The following PI15 variants were observed in gnomAD, a reference collection of about 807,000 sequenced individuals.
PI15 encodes the protein 25 kDa trypsin inhibitor.
PI15 carries 18 observed loss-of-function variants against 31.0 expected under a neutral mutation model. The ratio of observed to expected loss-of-function variants is 0.58; its 90% CI spans 0.40 to 0.86. The LOEUF (loss-of-function observed/expected upper bound fraction) is 0.86, where lower values mean the gene tolerates loss of function less well. Ranked by LOEUF, PI15 falls within the 40% of genes least tolerant of loss-of-function variation. The probability of loss-of-function intolerance (pLI) is 0.00; values close to 1 mark genes in which losing one functional copy is unlikely to be tolerated. For missense variants in PI15, 282 were observed against 328.1 expected, an observed-to-expected ratio of 0.86 and a Z score of 1.09; for synonymous variants, 118 against 119.1, an observed-to-expected ratio of 0.99 and a Z score of 0.06.
At chr8:74,847,670 A>C (rs556020409) in intron 5 of PI15, among the ~76,000 whole-genome samples, 1 of 152,266 alleles carries the variant, frequency 6.6e-6, no homozygotes, top group Admixed American at 6.5e-5. Flanking sequence ...AATATGAATA[A>C]AAGTTTTTCA....
intron 2 of PI15, among the ~76,000 whole-genome samples, chr8:74,829,810 T>C (rs1810755425): frequency 6.6e-6 from 1 of 152,074 alleles, no homozygotes; most frequent in Non-Finnish European, 1.5e-5. Flanking sequence ...GAAAGGCTCC[T>C]TGGAGGAGGA....
At position 74,850,459 on chromosome 8, in the gene PI15, CAA is replaced by C. The variant is rs1811090246; in HGVS notation, c.*1210_*1211del. 1.3e-5 allele frequency: 2 copies of C among 152,224 alleles called. No homozygotes were observed. Among genetic ancestry groups the C allele is most frequent in the Middle Eastern group, 3.4e-3 (1 of 294 alleles). The allele number at this position is 152,224 out of a possible 1,614,324, so 9.4% of individuals were successfully genotyped here. A position where few individuals can be genotyped will look rare whatever the true frequency, so the allele number is the denominator to read the frequency against. ...CCTCTCAGCAGGAGACAAAGGATTC[CAA>C]AAAGAGATGTGGAGGTGCTGAGGGC... On this transcript the variant is annotated 3_prime_UTR_variant, in exon 6 of 6. Transcript: ENST00000260113.
At chr8:74,848,599 C>T (rs1034967895) in intron 5 of PI15, among the ~76,000 whole-genome samples, 11 of 151,196 alleles carry the variant, frequency 7.3e-5, no homozygotes, top group African/African-American at 2.7e-4. Flanking sequence ...AGTGGAATGA[C>T]CCTGGTGTCC....
Position 74,843,985 on chromosome 8 carries a change from G to C in PI15, c.278G>C (p.Trp93Ser), listed in dbSNP as rs755155807. Residue 93 changes from tryptophan (W) to serine (S), a missense_variant, in exon 3 of 6, where the codon TGG becomes TCG. Physicochemically the swap from Trp to Ser is radical, Grantham distance 177 (BLOSUM62 -3). Transcript: ENST00000260113. ...PPAANMEYMV[W>S]DENLAKSAEA... is the part of the protein sequence containing the mutation. Reference sequence around the variant, plus strand: ...GAAGATTTTTTTCCCCTACAGGTTTGGGATGAAAATCTTGCAAAATCGGCA... The same window carrying C: ...GAAGATTTTTTTCCCCTACAGGTTTCGGATGAAAATCTTGCAAAATCGGCA... 1 of 1,528,512 alleles carries C rather than the reference G, an allele frequency of 6.5e-7. No individual in the cohort carries two copies. Among genetic ancestry groups the C allele is most frequent in the Admixed American group, 1.7e-5 (1 of 59,916 alleles). 94.7% of individuals were successfully genotyped at this position (1,528,512 alleles called of 1,614,324 possible).
intron 2 of PI15, 117 bp downstream of exon 2, chr8:74,825,639 CA>C (rs1454439363): frequency 2.4e-4 from 186 of 786,732 alleles, no homozygotes; most frequent in Non-Finnish European, 1.5e-4. Flanking sequence ...GGACTTTTTA[CA>C]TATTTTAACC....
chr8:74,825,609 G>A, intron 2 of PI15, 87 bp downstream of exon 2: 1 of 1,080,354 alleles, frequency 9.3e-7, no homozygotes, highest in Non-Finnish European at 1.3e-6. Context: ...GACCACGAGT[G>A]TTTATATGTC....
chr8:74,832,280 A>T (rs1810793794), intron 2 of PI15, among the ~76,000 whole-genome samples: 1 of 152,146 alleles, frequency 6.6e-6, no homozygotes, highest in Admixed American at 6.6e-5. Context: ...AAAGAGCAGA[A>T]TTCTGGAAGC....
Position 74,849,173 on chromosome 8 carries a change from C to T in PI15, c.697C>T (p.Pro233Ser), listed in dbSNP as rs1586960136. Residue 233 changes from proline to serine, a missense_variant, in exon 6 of 6, where the codon CCT becomes TCT. Pro to Ser is a moderately conservative substitution (Grantham distance 74). Transcript: ENST00000260113. Reference protein sequence around the residue: ...YKVGVPCSSCPPSYGGSCTDN... With the variant: ...YKVGVPCSSCSPSYGGSCTDN... ...AGTAGGGGTACCATGTTCATCTTGTCCTCCAAGTTATGGGGGATCTTGTAC... is the reference window on the plus strand; with the variant it reads ...AGTAGGGGTACCATGTTCATCTTGTTCTCCAAGTTATGGGGGATCTTGTAC... 1 of 1,612,120 alleles carries T rather than the reference C, an allele frequency of 6.2e-7. No individual in the cohort carries two copies. The highest frequency in any genetic ancestry group is 1.1e-5 in the South Asian group (1 of 91,012).
Position 74,849,362 on chromosome 8 carries a change from G to C in PI15, c.*109G>C. 1 of 777,866 alleles carries C rather than the reference G, an allele frequency of 1.3e-6. No individual in the cohort carries two copies. Among genetic ancestry groups the C allele is most frequent in the Non-Finnish European group, 2.0e-6 (1 of 499,738 alleles). 48.2% of individuals were successfully genotyped at this position (777,866 alleles called of 1,614,324 possible). A position where few individuals can be genotyped will look rare whatever the true frequency, so the allele number is the denominator to read the frequency against. ...ATTATACATATTTTGTGCTAATCTT[G>C]TTTTCCTCTTAGTATTCCTTTGTAT... On this transcript the variant is annotated 3_prime_UTR_variant, in exon 6 of 6. Transcript: ENST00000260113.
chr8:74,840,847 C>T (rs181313175), intron 2 of PI15, among the ~76,000 whole-genome samples: 7 of 152,304 alleles, frequency 4.6e-5, no homozygotes, highest in African/African-American at 1.7e-4. Flanking sequence ...ATTATCCCTC[C>T]TTCCCTGTAA....
intron 2 of PI15, among the ~76,000 whole-genome samples, chr8:74,832,875 A>G (rs374155495): frequency 6.6e-6 from 1 of 152,152 alleles, no homozygotes; most frequent in Non-Finnish European, 1.5e-5. Context: ...TTCACACCAC[A>G]TACTCCAAAC....
chr8:74,826,373 G>C (rs1810700582), intron 2 of PI15: 5 of 592,356 alleles, frequency 8.4e-6, no homozygotes, highest in Non-Finnish European at 1.1e-5. Flanking sequence ...AGGGGAGGGG[G>C]TACCACTAAC....
At chr8:74,841,072 T>C (rs899883952) in intron 2 of PI15, among the ~76,000 whole-genome samples, 4 of 152,168 alleles carry the variant, frequency 2.6e-5, no homozygotes, top group African/African-American at 9.6e-5. Context: ...GGATTACATA[T>C]GGTAAATTAC....
intron 2 of PI15, among the ~76,000 whole-genome samples, chr8:74,842,377 T>C (rs567338474): frequency 2.0e-5 from 3 of 152,262 alleles, no homozygotes; most frequent in East Asian, 3.9e-4. Context: ...CTAGTCACAA[T>C]GTGAACGCTA....
In PI15 at chr8:74,825,240, A is replaced by T. The variant is rs1399775626; in HGVS notation, c.-10A>T. On this transcript the variant is annotated 5_prime_UTR_variant, in exon 2 of 6. Coordinates refer to ENST00000260113, the MANE Select transcript of PI15 (RefSeq NM_015886.5). ...TAAACTCGGTGGCCTCTTCTTCTCC[A>T]CCCCTCAAAATGATAGCAATCTCTG... 1 of 1,610,762 alleles carries T rather than the reference A, an allele frequency of 6.2e-7. No homozygotes were observed. Among genetic ancestry groups the T allele is most frequent in the Admixed American group, 1.7e-5 (1 of 59,836 alleles).
At chr8:74,841,298 G>C (rs6995421) in intron 2 of PI15, among the ~76,000 whole-genome samples, 2,253 of 152,214 alleles carry the variant, frequency 0.015, 56 homozygotes, top group African/African-American at 0.051. Context: ...ATAGAACACA[G>C]GTCTTCCTTG....
chr8:74,834,198 T>C (rs943896933), intron 2 of PI15, among the ~76,000 whole-genome samples: 1 of 152,200 alleles, frequency 6.6e-6, no homozygotes, highest in Non-Finnish European at 1.5e-5. Flanking sequence ...GTAAAGTACC[T>C]GTTCCTCTTC....
chr8:74,847,217 G>A (rs1002825367), intron 5 of PI15, among the ~76,000 whole-genome samples: 3 of 151,966 alleles, frequency 2.0e-5, no homozygotes, highest in Admixed American at 1.3e-4. Context: ...AGGCTGAGGC[G>A]GGTGGATCAC....
intron 2 of PI15, among the ~76,000 whole-genome samples, chr8:74,832,524 CCT>C (rs1810797730): frequency 6.6e-6 from 1 of 151,858 alleles, no homozygotes. Context: ...AAAATACCCC[CCT>C]CTGTTTTTTT....
Sources: gnomAD v4.1 joint callset for allele counts (sites outside exome capture counted in the v4.1 genomes callset) on GRCh38, gnomAD v4.1.1 for gene constraint, MANE v1.5 for transcripts, NCBI Gene and HGNC (gene_info 2026-07-23, HGNC 2026-07-21) for gene names.